The following SEMA6D variants were observed in gnomAD, a reference collection of about 807,000 sequenced individuals.
SEMA6D encodes the protein semaphorin-6D.
In SEMA6D, 35 loss-of-function variants were observed where a neutral mutation model predicts 106.6. The observed-to-expected ratio is 0.33, with a 90% confidence interval of 0.25 to 0.44. The LOEUF is 0.44. SEMA6D is among the 20% of genes least tolerant of loss of function. The probability of loss-of-function intolerance (pLI) is 1.00; values close to 1 mark genes in which losing one functional copy is unlikely to be tolerated. For missense variants in SEMA6D, 1,185 were observed against 1,345.9 expected (o/e 0.88, Z 1.87); for synonymous variants, 499 against 487.7 (o/e 1.02, Z -0.31).
At chr15:47,354,185 CTCTCTCTCTCTCTCTATATA>C (rs1462682059) in intron 1 of SEMA6D, among the ~76,000 whole-genome samples, 4 of 23,690 alleles carry the variant, frequency 1.7e-4, no homozygotes, top group African/African-American at 7.3e-4. Context: ...GCCTCTCTCT[CTCTCTCTCTCTCTCTATATA>C]TATATATATA....
At chr15:47,684,247 T>TA (rs1188371883) in intron 4 of SEMA6D, among the ~76,000 whole-genome samples, 4 of 151,702 alleles carry the variant, frequency 2.6e-5, no homozygotes, top group Admixed American at 6.6e-5. Flanking sequence ...ATTACAATAA[T>TA]AAAAAAAATT....
intron 2 of SEMA6D, among the ~76,000 whole-genome samples, chr15:47,420,865 C>T (rs1015693059): frequency 7.9e-5 from 12 of 152,038 alleles, no homozygotes; most frequent in African/African-American, 2.9e-4. Context: ...GGCAGCTATT[C>T]AGTTCTCTAG....
chr15:47,390,775 A>G lies in SEMA6D; in HGVS notation c.-238-21618A>G, dbSNP rs139367260. On this transcript the variant is annotated intron_variant, in intron 1 of 19. Coordinates refer to the SEMA6D transcript ENST00000558014. ...TTCTCTCAGCATCTTGTTTCTTCAT[A>G]GCATTTATATCAGTTTGTTATATTT... Among the ~76,000 whole-genome samples, 591 of 152,278 alleles carry G rather than the reference A, an allele frequency of 3.9e-3. 15 individuals are homozygous for G. Among genetic ancestry groups the G allele is most frequent in the Non-Finnish European group, 1.0e-3 (69 of 68,020 alleles).
intron 4 of SEMA6D, among the ~76,000 whole-genome samples, chr15:47,687,580 A>C (rs2078496462): frequency 6.6e-6 from 1 of 152,242 alleles, no homozygotes; most frequent in African/African-American, 2.4e-5. Context: ...ATTAGATCTT[A>C]TTATAAAAGC....
At chr15:47,257,532 C>A (rs1016252536) in intron 1 of SEMA6D, among the ~76,000 whole-genome samples, 1 of 151,980 alleles carries the variant, frequency 6.6e-6, no homozygotes, top group Non-Finnish European at 1.5e-5. Context: ...ATTTAATAGA[C>A]TTTTTCTTTG....
chr15:47,584,649 C>T (rs2076307267), intron 3 of SEMA6D, among the ~76,000 whole-genome samples: 1 of 152,074 alleles, frequency 6.6e-6, no homozygotes, highest in Non-Finnish European at 1.5e-5. Flanking sequence ...TGGAAACTGC[C>T]TTAAATCTGT....
intron 4 of SEMA6D, among the ~76,000 whole-genome samples, chr15:47,667,178 G>A (rs1030598434): frequency 6.6e-6 from 1 of 152,154 alleles, no homozygotes; most frequent in Non-Finnish European, 1.5e-5. Context: ...GAATCCGTGG[G>A]CATAAGAAAA....
At chr15:47,326,416 G>C (rs569670005) in intron 1 of SEMA6D, among the ~76,000 whole-genome samples, 1 of 152,202 alleles carries the variant, frequency 6.6e-6, no homozygotes, top group Non-Finnish European at 1.5e-5. Flanking sequence ...GCACATTCTT[G>C]TTCAAAAGGT....
At chr15:47,673,374 T>C (rs1022946780) in intron 4 of SEMA6D, among the ~76,000 whole-genome samples, 1 of 152,190 alleles carries the variant, frequency 6.6e-6, no homozygotes, top group African/African-American at 2.4e-5. Context: ...AGCTGAAATC[T>C]GACAGAATCA....
chr15:47,314,028 A>G (rs577719944), intron 1 of SEMA6D, among the ~76,000 whole-genome samples: 8 of 152,342 alleles, frequency 5.3e-5, no homozygotes, highest in African/African-American at 1.9e-4. Context: ...CTGTCTTTCA[A>G]AGTGGCTGTA....
At chr15:47,737,892 C>G (rs2080541574) in intron 1 of SEMA6D, among the ~76,000 whole-genome samples, 1 of 151,904 alleles carries the variant, frequency 6.6e-6, no homozygotes, top group South Asian at 2.1e-4. Flanking sequence ...ACTAATTTAC[C>G]CTGCCATGTG....
At chr15:47,611,973 G>A (rs2076915286) in intron 4 of SEMA6D, among the ~76,000 whole-genome samples, 1 of 152,174 alleles carries the variant, frequency 6.6e-6, no homozygotes, top group Admixed American at 6.5e-5. Context: ...TAGAGTGTGA[G>A]GGAATGAAGG....
intron 3 of SEMA6D, among the ~76,000 whole-genome samples, chr15:47,545,950 G>A (rs557819978): frequency 6.6e-6 from 1 of 152,184 alleles, no homozygotes; most frequent in Admixed American, 6.6e-5. Context: ...GCAGAAAGAT[G>A]CACAAAACTC....
intron 3 of SEMA6D, among the ~76,000 whole-genome samples, chr15:47,486,108 A>T (rs1003814046): frequency 2.0e-5 from 3 of 152,190 alleles, no homozygotes; most frequent in Admixed American, 1.3e-4. Context: ...GGGATTGTGG[A>T]TATTTTGTGA....
At chr15:47,321,750 C>T (rs1012156884) in intron 1 of SEMA6D, among the ~76,000 whole-genome samples, 2 of 152,100 alleles carry the variant, frequency 1.3e-5, no homozygotes, top group Non-Finnish European at 2.9e-5. Context: ...TCTTTAGCTA[C>T]TGGTTATTTT....
intron 1 of SEMA6D, chr15:47,359,875 A>C (rs1296832335): frequency 1.3e-5 from 2 of 152,126 alleles, no homozygotes; most frequent in Admixed American, 1.3e-4. Context: ...GGTGGGAAAA[A>C]CTTTAAAGGA....
intron 2 of SEMA6D, among the ~76,000 whole-genome samples, chr15:47,422,927 A>G (rs933545951): frequency 6.6e-6 from 1 of 152,152 alleles, no homozygotes; most frequent in African/African-American, 2.4e-5. Context: ...ATTATCATCA[A>G]AACAACTCAG....
At chr15:47,416,178 A>G (rs1246274871) in intron 2 of SEMA6D, among the ~76,000 whole-genome samples, 1 of 152,142 alleles carries the variant, frequency 6.6e-6, no homozygotes, top group Non-Finnish European at 1.5e-5. Context: ...CCCTAATGAT[A>G]ACGATATTCT....
intron 2 of SEMA6D, among the ~76,000 whole-genome samples, chr15:47,421,630 ATGAGTGTGT>A (rs1252378165): frequency 6.6e-6 from 1 of 151,908 alleles, no homozygotes; most frequent in Non-Finnish European, 1.5e-5. Flanking sequence ...CACTTGACTG[ATGAGTGTGT>A]ACCATATGAG....
Sources: gnomAD v4.1 joint callset for allele counts (sites outside exome capture counted in the v4.1 genomes callset) on GRCh38, gnomAD v4.1.1 for gene constraint, MANE v1.5 for transcripts, NCBI Gene and HGNC (gene_info 2026-07-23, HGNC 2026-07-21) for gene names.